Variants in SAE1 observed in about 807,000 individuals in gnomAD.
SAE1 encodes SUMO-activating enzyme subunit 1.
SAE1 carries 11 observed loss-of-function variants against 40.6 expected under a neutral mutation model. That is an observed-to-expected ratio of 0.27 (90% CI 0.17 to 0.45). The LOEUF (loss-of-function observed/expected upper bound fraction) is 0.45, where lower values mean the gene tolerates loss of function less well. Among genes scored for constraint, SAE1 ranks in the 20% least tolerant of loss-of-function variants. The pLI is 1.00. For missense variants in SAE1, 373 were observed against 427.3 expected (o/e 0.87, Z 1.12); for synonymous variants, 155 against 154.3 (o/e 1.00, Z -0.03).
chr19:47,184,924 G>A (rs1276839441), intron 6 of SAE1, among the ~76,000 whole-genome samples: 5 of 151,682 alleles, frequency 3.3e-5, no homozygotes, highest in South Asian at 4.2e-4. Flanking sequence ...AAGTTCAAGC[G>A]ATTCTCCTGC....
rs570759278 is a variant in SAE1, at chr19:47,171,933, T to A, written c.733+2010T>A. Among the ~76,000 whole-genome samples, 16 of 152,124 alleles carry A rather than the reference T, an allele frequency of 1.1e-4. No individual in the cohort carries two copies. The East Asian group carries it at 2.7e-3, about 26-fold the overall frequency. On this transcript the variant is annotated intron_variant, in intron 6 of 8. Transcript: ENST00000270225. ...TTTTAATGTTATTTATGCATTTATT[T>A]TTTTGAGACGGAGTCTCACTCTGTC...
At chr19:47,204,502 C>CA in intron 8 of SAE1, among the ~76,000 whole-genome samples, 1 of 137,830 alleles carries the variant, frequency 7.3e-6, no homozygotes, top group African/African-American at 2.8e-5. Flanking sequence ...CCAGCCGCAC[C>CA]CCCCCCCTTT....
intron 7 of SAE1, among the ~76,000 whole-genome samples, chr19:47,200,957 A>G (rs56312736): frequency 0.026 from 4,024 of 152,112 alleles, 71 homozygotes; most frequent in Non-Finnish European, 0.039. Flanking sequence ...TCCCGGGTTC[A>G]AGTGAATCTC....
At chr19:47,172,081 G>T (rs1315631201) in intron 6 of SAE1, among the ~76,000 whole-genome samples, 3 of 150,552 alleles carry the variant, frequency 2.0e-5, no homozygotes, top group African/African-American at 7.3e-5. Context: ...AGCACACCCA[G>T]CTAATTTTTG....
intron 4 of SAE1, among the ~76,000 whole-genome samples, chr19:47,154,198 C>T (rs1168251847): frequency 6.6e-6 from 1 of 152,156 alleles, no homozygotes; most frequent in African/African-American, 2.4e-5. Flanking sequence ...TCAAGTGGTT[C>T]TCCTGCTTCA....
intron 6 of SAE1, among the ~76,000 whole-genome samples, chr19:47,172,606 A>G (rs1321791854): frequency 1.3e-5 from 2 of 152,044 alleles, no homozygotes; most frequent in Admixed American, 6.6e-5. Context: ...CGGGAGGCTG[A>G]GGCAGAAGCA....
intron 5 of SAE1, among the ~76,000 whole-genome samples, chr19:47,165,358 G>A (rs1415228435): frequency 6.6e-6 from 1 of 152,146 alleles, no homozygotes; most frequent in Non-Finnish European, 1.5e-5. Context: ...CCAAAGTGCT[G>A]GGATTATAGG....
chr19:47,137,604 T>C lies in SAE1; in HGVS notation c.99-5890T>C, dbSNP rs755360517. Among the ~76,000 whole-genome samples the C allele has an allele frequency of 3.3e-5, 5 of 152,146 alleles. No homozygotes were observed. The South Asian group carries it at 1.0e-3, about 32-fold the overall frequency. On this transcript the variant is annotated intron_variant, in intron 1 of 8. Coordinates refer to ENST00000270225, the MANE Select transcript of SAE1 (RefSeq NM_005500.3). ...CCTCCACCTCCCGGGTTCAAGGGAT[T>C]CTCCCGCCTCAGCCCCCAAGTAGCT... is the stretch of plus-strand genomic sequence containing the variant.
chr19:47,136,857 G>C (rs2058183594), intron 1 of SAE1, among the ~76,000 whole-genome samples: 1 of 152,118 alleles, frequency 6.6e-6, no homozygotes, highest in Non-Finnish European at 1.5e-5. Context: ...GTTCAGATGA[G>C]GAAGGAGGCT....
intron 6 of SAE1, among the ~76,000 whole-genome samples, chr19:47,196,537 T>C (rs1338622252): frequency 1.3e-5 from 2 of 149,574 alleles, no homozygotes; most frequent in Non-Finnish European, 3.0e-5. Flanking sequence ...CTAATTTTTG[T>C]ATTTTTAGTA....
chr19:47,170,306 C>T (rs1462287057), intron 6 of SAE1, among the ~76,000 whole-genome samples: 1 of 151,270 alleles, frequency 6.6e-6, no homozygotes, highest in East Asian at 1.9e-4. Context: ...CCTCCACCTC[C>T]TGGGTTGAAG....
intron 5 of SAE1, among the ~76,000 whole-genome samples, chr19:47,156,418 G>T (rs1419289275): frequency 6.6e-6 from 1 of 151,748 alleles, no homozygotes; most frequent in East Asian, 1.9e-4. Flanking sequence ...GGCGGATGTT[G>T]CAGTGAGCCG....
intron 1 of SAE1, among the ~76,000 whole-genome samples, chr19:47,138,384 G>C (rs2058195914): frequency 6.6e-6 from 1 of 152,222 alleles, no homozygotes; most frequent in Non-Finnish European, 1.5e-5. Flanking sequence ...AGCTGCAAAA[G>C]AGGGGTAACA....
At chr19:47,201,360 CTTTTTTTTTTTTTTT>C (rs57568797) in intron 7 of SAE1, among the ~76,000 whole-genome samples, 1,561 of 66,276 alleles carry the variant, frequency 0.024, 47 homozygotes, top group Admixed American at 0.044. Flanking sequence ...TATCTGGTTC[CTTTTTTTTTTTTTTT>C]TTTTTTTTTT....
chr19:47,182,345 A>G (rs1352938359), intron 6 of SAE1, among the ~76,000 whole-genome samples: 1 of 152,156 alleles, frequency 6.6e-6, no homozygotes, highest in Non-Finnish European at 1.5e-5. Context: ...CTGCTGAGAA[A>G]GAGACAGCCA....
intron 6 of SAE1, 36 bp from the exon 7 acceptor site, chr19:47,197,197 T>TTATAAAGGAA: frequency 6.7e-7 from 1 of 1,493,270 alleles, no homozygotes; most frequent in East Asian, 2.4e-5. Flanking sequence ...AAAAAAAAAG[T>TTATAAAGGAA]GGCTTTATAA....
chr19:47,134,413 G>A (rs767513193), intron 1 of SAE1, among the ~76,000 whole-genome samples: 1 of 151,738 alleles, frequency 6.6e-6, no homozygotes, highest in Non-Finnish European at 1.5e-5. Context: ...TGGGGTGGGG[G>A]GATGTCATCA....
At chr19:47,182,955 A>C (rs2058520457) in intron 6 of SAE1, among the ~76,000 whole-genome samples, 1 of 152,098 alleles carries the variant, frequency 6.6e-6, no homozygotes, top group Non-Finnish European at 1.5e-5. Context: ...TCGTTCTGTC[A>C]GCCAGGCTGG....
At position 47,143,624 on chromosome 19, in the gene SAE1, A is replaced by T; in HGVS notation, c.210+19A>T. The T allele has an allele frequency of 1.3e-6, 2 of 1,559,802 alleles. No homozygotes were observed. The highest frequency in any genetic ancestry group is 1.8e-6 in the Non-Finnish European group (2 of 1,130,626). ...CGAACAGGTGCGCTGTTGTGAGCTC[A>T]TTCCTCCCCTGCTCTGGCTCCCCTT... On this transcript the variant is annotated intron_variant, in intron 2 of 8. Transcript: ENST00000270225.
Sources: gnomAD v4.1 joint callset for allele counts (sites outside exome capture counted in the v4.1 genomes callset) on GRCh38, gnomAD v4.1.1 for gene constraint, MANE v1.5 for transcripts, NCBI Gene and HGNC (gene_info 2026-07-23, HGNC 2026-07-21) for gene names.